FMNL2: variants seen among roughly 807,000 people sequenced by gnomAD.
The protein encoded by FMNL2 is formin-like protein 2.
A neutral mutation model predicts 130.2 loss-of-function variants in FMNL2; 51 were observed. The ratio of observed to expected loss-of-function variants is 0.39; its 90% CI spans 0.31 to 0.49. The LOEUF (loss-of-function observed/expected upper bound fraction) is 0.49. FMNL2 is among the 20% of genes least tolerant of loss of function. The probability of loss-of-function intolerance (pLI) is 0.85; values close to 1 mark genes in which losing one functional copy is unlikely to be tolerated. For synonymous variants in FMNL2, 465 were observed against 467.1 expected, an observed-to-expected ratio of 1.00 and a Z score of 0.06; for missense variants, 977 against 1,316.2, an observed-to-expected ratio of 0.74 and a Z score of 3.99.
At chr2:152,517,876 A>G (rs905316461) in intron 1 of FMNL2, among the ~76,000 whole-genome samples, 4 of 152,208 alleles carry the variant, frequency 2.6e-5, no homozygotes, top group South Asian at 4.1e-4. Flanking sequence ...TGGATGGAAC[A>G]ATGGATGAAA....
rs555346379 is a variant in FMNL2 at position 152,407,744 on chromosome 2, C to T, written c.117+72024C>T. Among the ~76,000 whole-genome samples the T allele has an allele frequency of 2.6e-5, 4 of 152,132 alleles. No homozygotes were observed. The East Asian group carries it at 5.8e-4, about 22-fold the overall frequency. On this transcript the variant is annotated intron_variant, in intron 1 of 25. Coordinates refer to ENST00000288670, the MANE Select transcript of FMNL2 (RefSeq NM_052905.4). ...CTGGGTCAGGCTTGTTTGTTGGTTT[C>T]GTCTTAATTAGAAGCAAACCTCTTT...
At chr2:152,604,281 C>T (rs1698243831) in intron 9 of FMNL2, among the ~76,000 whole-genome samples, 1 of 151,068 alleles carries the variant, frequency 6.6e-6, no homozygotes, top group Non-Finnish European at 1.5e-5. Flanking sequence ...CTGCCACTCT[C>T]TCAACCTTTC....
intron 1 of FMNL2, among the ~76,000 whole-genome samples, chr2:152,371,750 TCATG>T (rs1307392134): frequency 1.3e-5 from 2 of 151,902 alleles, no homozygotes; most frequent in Non-Finnish European, 2.9e-5. Context: ...GGTTTTGCCT[TCATG>T]CATGAATTGA....
intron 6 of FMNL2, among the ~76,000 whole-genome samples, chr2:152,569,190 A>G (rs1696029545): frequency 6.7e-6 from 1 of 150,108 alleles, no homozygotes; most frequent in African/African-American, 2.5e-5. Context: ...AACACTAACT[A>G]GCTTTATACA....
intron 1 of FMNL2, among the ~76,000 whole-genome samples, chr2:152,364,261 G>GTTTTTTT (rs869062341): frequency 5.3e-4 from 13 of 24,458 alleles, no homozygotes; most frequent in African/African-American, 1.1e-3. Context: ...AGGTTTGTGT[G>GTTTTTTT]TTTTTTTTTT....
chr2:152,581,984 T>C (rs1696813899), intron 9 of FMNL2, among the ~76,000 whole-genome samples: 1 of 152,256 alleles, frequency 6.6e-6, no homozygotes, highest in African/African-American at 2.4e-5. Context: ...ATAGTATTTA[T>C]TGAGAACCTA....
At chr2:152,383,169 C>A (rs530995930) in intron 1 of FMNL2, among the ~76,000 whole-genome samples, 1 of 150,510 alleles carries the variant, frequency 6.6e-6, no homozygotes, top group African/African-American at 2.4e-5. Context: ...GGGAGAGATG[C>A]GGATATTAAA....
intron 6 of FMNL2, 116 bp from the exon 7 acceptor site, chr2:152,575,020 G>T (rs1696397589): frequency 3.4e-6 from 2 of 584,758 alleles, no homozygotes; most frequent in South Asian, 5.0e-5. Flanking sequence ...TTTGGTGGCG[G>T]TTTTAACCTA....
At chr2:152,425,626 T>G (rs1306559040) in intron 1 of FMNL2, among the ~76,000 whole-genome samples, 2 of 152,228 alleles carry the variant, frequency 1.3e-5, no homozygotes, top group Non-Finnish European at 2.9e-5. Context: ...GCCATATATC[T>G]TAATATGCCA....
At chr2:152,533,624 A>G (rs1438425587) in intron 2 of FMNL2, among the ~76,000 whole-genome samples, 1 of 147,386 alleles carries the variant, frequency 6.8e-6, no homozygotes, top group Non-Finnish European at 1.5e-5. Flanking sequence ...TTTTAGAATC[A>G]GCTTGTCAGT....
chr2:152,457,929 C>G lies in FMNL2; in HGVS notation c.118-64014C>G, dbSNP rs143360216. 1.2e-4 allele frequency among the ~76,000 whole-genome samples: 18 copies of G among 152,262 alleles called. 1 individual carries two copies. Among genetic ancestry groups the G allele is most frequent in the African/African-American group, 3.6e-4 (15 of 41,564 alleles). ...AAGACCTTCTCATGCTTGCATGTCC[C>G]CAGTTTTTTGGCTACAACCTCAGAA... On this transcript the variant is annotated intron_variant, in intron 1 of 25. Transcript: ENST00000288670.
chr2:152,449,469 T>C (rs1688519166), intron 1 of FMNL2, among the ~76,000 whole-genome samples: 1 of 152,228 alleles, frequency 6.6e-6, no homozygotes, highest in African/African-American at 2.4e-5. Context: ...TGTAGTTTTA[T>C]GGCAGGACTT....
At chr2:152,550,566 G>A (rs1315495017) in intron 4 of FMNL2, among the ~76,000 whole-genome samples, 2 of 152,202 alleles carry the variant, frequency 1.3e-5, no homozygotes, top group African/African-American at 4.8e-5. Context: ...AAGTTGCTCT[G>A]TTGTTTTTCC....
intron 1 of FMNL2, among the ~76,000 whole-genome samples, chr2:152,493,841 T>C (rs552480104): frequency 6.6e-6 from 1 of 152,322 alleles, no homozygotes; most frequent in South Asian, 2.1e-4. Flanking sequence ...GGTATCCCTT[T>C]ATAGCAACAC....
intron 1 of FMNL2, among the ~76,000 whole-genome samples, chr2:152,473,839 A>G (rs1689986395): frequency 6.6e-6 from 1 of 152,114 alleles, no homozygotes; most frequent in African/African-American, 2.4e-5. Context: ...TCACATTTGG[A>G]ATTTTCTGCC....
intron 21 of FMNL2, among the ~76,000 whole-genome samples, chr2:152,634,435 AAAAC>A (rs1381442536): frequency 7.9e-5 from 12 of 152,260 alleles, no homozygotes; most frequent in Non-Finnish European, 1.6e-4. Flanking sequence ...CTCCGTCTCA[AAAAC>A]AAACAAACAA....
intron 6 of FMNL2, among the ~76,000 whole-genome samples, chr2:152,569,880 A>C (rs920807886): frequency 2.1e-4 from 32 of 151,238 alleles, no homozygotes; most frequent in Non-Finnish European, 4.4e-4. Context: ...GCATGGTGGC[A>C]CATGCCTGTA....
intron 1 of FMNL2, among the ~76,000 whole-genome samples, chr2:152,407,632 GC>G (rs1430337183): frequency 1.3e-5 from 2 of 152,050 alleles, no homozygotes; most frequent in Admixed American, 6.6e-5. Context: ...ATTTTTATCT[GC>G]CCCATTGAGT....
chr2:152,580,012 T>C (rs567781663), intron 8 of FMNL2, among the ~76,000 whole-genome samples: 2 of 152,386 alleles, frequency 1.3e-5, no homozygotes, highest in African/African-American at 4.8e-5. Flanking sequence ...AAGTCCTCTT[T>C]ACTGAATATT....
Sources: allele counts gnomAD v4.1 joint callset (sites outside exome capture counted in the v4.1 genomes callset), GRCh38; gene constraint gnomAD v4.1.1; transcripts MANE v1.5; gene names NCBI Gene and HGNC (gene_info 2026-07-23, HGNC 2026-07-21).